Variants in SFXN4 observed in about 807,000 individuals in gnomAD.
SFXN4 encodes the protein sideroflexin-4.
Under a neutral mutation model 54.6 loss-of-function variants are expected in SFXN4, and 48 were observed. That is an observed-to-expected ratio of 0.88 (90% CI 0.70 to 1.12). SFXN4 has a LOEUF of 1.12. Ranked by LOEUF, SFXN4 falls within the 50% of genes most tolerant of loss-of-function variation. The pLI, the probability that SFXN4 is intolerant of heterozygous loss-of-function variation, is 0.00. For missense variants in SFXN4, 383 were observed against 409.2 expected (o/e 0.94, Z 0.55); for synonymous variants, 130 against 145.5 (o/e 0.89, Z 0.77).
chr10:119,157,065 G>C (rs1847305331), intron 9 of SFXN4, among the ~76,000 whole-genome samples: 1 of 152,120 alleles, frequency 6.6e-6, no homozygotes, highest in African/African-American at 2.4e-5. Context: ...ACAGTGTCTT[G>C]ACATCCAAAG....
intron 2 of SFXN4, among the ~76,000 whole-genome samples, chr10:119,162,732 T>C (rs1275644970): frequency 6.6e-6 from 1 of 152,154 alleles, no homozygotes; most frequent in Non-Finnish European, 1.5e-5. Context: ...TAGAAGTCCT[T>C]CTCCCTCACC....
chr10:119,145,828 T>C (rs1846769442), intron 13 of SFXN4, among the ~76,000 whole-genome samples: 1 of 152,180 alleles, frequency 6.6e-6, no homozygotes, highest in African/African-American at 2.4e-5. Flanking sequence ...TTTTGTTTTA[T>C]TATTTTATTT....
At chr10:119,157,820 C>T (rs2133610474) in intron 8 of SFXN4, 51 bp downstream of exon 8, 1 of 1,608,850 alleles carries the variant, frequency 6.2e-7, no homozygotes, top group South Asian at 1.1e-5. Flanking sequence ...ACAACAAACT[C>T]CAAAAGGAAT....
chr10:119,159,569 A>G (rs1239666683), intron 6 of SFXN4, among the ~76,000 whole-genome samples, 159 bp downstream of exon 6: 1 of 152,190 alleles, frequency 6.6e-6, no homozygotes, highest in African/African-American at 2.4e-5. Flanking sequence ...ACAAGGACGT[A>G]TGAACAGCAG....
intron 13 of SFXN4, among the ~76,000 whole-genome samples, chr10:119,142,315 C>T (rs1813495504): frequency 6.6e-6 from 1 of 152,150 alleles, no homozygotes; most frequent in South Asian, 2.1e-4. Flanking sequence ...GCACCTCCCA[C>T]ACCCAGCAGT....
chr10:119,155,229 C>CTTTGCTGGAACA, intron 10 of SFXN4, 52 bp from the exon 11 acceptor site: 5 of 1,275,352 alleles, frequency 3.9e-6, no homozygotes, highest in Non-Finnish European at 4.6e-6. Context: ...AGTCTTGTTC[C>CTTTGCTGGAACA]AGCAAAGGAA....
Position 119,165,681 on chromosome 10 carries a change from C to T in SFXN4, c.-34G>A. ...GGTTAGAGTGGCCGCCGCCGCCAGGCCGCGCGTGGAGGAGGAGCCGGGCGG... is the reference window on the plus strand; with the variant it reads ...GGTTAGAGTGGCCGCCGCCGCCAGGTCGCGCGTGGAGGAGGAGCCGGGCGG... On this transcript the variant is annotated 5_prime_UTR_variant, in exon 1 of 14. Transcript: ENST00000355697. 2.7e-6 allele frequency: 4 copies of T among 1,502,942 alleles called. No individual in the cohort carries two copies. The highest frequency in any genetic ancestry group is 1.8e-6 in the Non-Finnish European group (2 of 1,128,946). 93.1% of individuals were successfully genotyped at this position (1,502,942 alleles called of 1,614,324 possible).
At chr10:119,142,585 C>T (rs1416292798) in intron 13 of SFXN4, among the ~76,000 whole-genome samples, 2 of 134,126 alleles carry the variant, frequency 1.5e-5, no homozygotes, top group Admixed American at 8.3e-5. Flanking sequence ...GAGTCTCACT[C>T]TGTCACCCAG....
Position 119,146,294 on chromosome 10 carries a change from A to G in SFXN4, c.878T>C (p.Val293Ala). Residue 293 changes from valine (V) to alanine (A), a missense_variant, in exon 13 of 14, where the codon GTC becomes GCC. Physicochemically the swap from Val to Ala is moderately conservative, Grantham distance 64. Transcript: ENST00000355697. ...TGGCACCATCAGTCCCATTGCCAGG[A>G]CAGTACAAGACAGTTTCAAAATCCA... ...SLWILKLSCT[V>A]LAMGLMVPFS... is the part of the protein sequence containing the mutation. The G allele has an allele frequency of 6.2e-7, 1 of 1,613,874 alleles. No homozygotes were observed. The highest frequency in any genetic ancestry group is 8.5e-7 in the Non-Finnish European group (1 of 1,179,842).
intron 11 of SFXN4, among the ~76,000 whole-genome samples, chr10:119,149,170 G>C (rs1463758984): frequency 2.6e-5 from 4 of 152,060 alleles, no homozygotes; most frequent in South Asian, 2.1e-4. Context: ...GTTAACTTTA[G>C]AACCCACCCC....
intron 13 of SFXN4, among the ~76,000 whole-genome samples, chr10:119,142,919 A>C (rs1018026490): frequency 2.0e-5 from 3 of 150,534 alleles, no homozygotes; most frequent in African/African-American, 7.3e-5. Context: ...TTTTTAGTAG[A>C]GACGGGGTTT....
intron 12 of SFXN4, among the ~76,000 whole-genome samples, 172 bp downstream of exon 12, chr10:119,147,603 C>A (rs1026239836): frequency 1.3e-5 from 2 of 152,146 alleles, no homozygotes; most frequent in Non-Finnish European, 2.9e-5. Context: ...AATCCGTACA[C>A]CCGGATTTCC....
At chr10:119,144,561 T>TA (rs58101886) in intron 13 of SFXN4, among the ~76,000 whole-genome samples, 1,949 of 147,528 alleles carry the variant, frequency 0.013, 47 homozygotes, top group African/African-American at 0.045. Context: ...CTTTCTGACT[T>TA]AAAAAAAAAA....
chr10:119,164,310 T>C, intron 1 of SFXN4, 114 bp from the exon 2 acceptor site: 2 of 617,354 alleles, frequency 3.2e-6, no homozygotes, highest in Non-Finnish European at 2.8e-6. Flanking sequence ...GTCTGTGATC[T>C]GCCTTTTACT....
chr10:119,156,071 A>G (rs1016839543), intron 10 of SFXN4, among the ~76,000 whole-genome samples: 4 of 152,126 alleles, frequency 2.6e-5, no homozygotes, highest in Non-Finnish European at 4.4e-5. Context: ...TTTCCTACCC[A>G]TAAGTTGTTG....
At chr10:119,165,196 G>A in intron 1 of SFXN4, 13 of 1,058,242 alleles carry the variant, frequency 1.2e-5, no homozygotes, top group Non-Finnish European at 1.5e-5. Context: ...AAGTGGCTGA[G>A]CTTACCAAGG....
intron 1 of SFXN4, among the ~76,000 whole-genome samples, chr10:119,164,452 C>G (rs1847685710): frequency 6.6e-6 from 1 of 152,114 alleles, no homozygotes; most frequent in Non-Finnish European, 1.5e-5. Context: ...CCCTTAACCT[C>G]TCAGTATCAA....
chr10:119,147,671 A>G, intron 12 of SFXN4, 104 bp downstream of exon 12: 1 of 895,446 alleles, frequency 1.1e-6, no homozygotes, highest in Non-Finnish European at 1.8e-6. Context: ...TGGGAAGGTT[A>G]CTGAGCCAAC....
chr10:119,155,003 C>A (rs1589637989), intron 11 of SFXN4, 59 bp downstream of exon 11: 2 of 1,185,798 alleles, frequency 1.7e-6, no homozygotes, highest in South Asian at 1.3e-5. Flanking sequence ...GGCTTTCAAA[C>A]AGAAAAGTCT....
Sources: allele counts gnomAD v4.1 joint callset (sites outside exome capture counted in the v4.1 genomes callset), GRCh38; gene constraint gnomAD v4.1.1; transcripts MANE v1.5; gene names NCBI Gene and HGNC (gene_info 2026-07-23, HGNC 2026-07-21).